The following FAM91A1 variants were observed in gnomAD, a reference collection of about 807,000 sequenced individuals.
The protein encoded by FAM91A1 is protein FAM91A1.
In FAM91A1, 41 loss-of-function variants were observed where a neutral mutation model predicts 113.5. That is an observed-to-expected ratio of 0.36 (90% CI 0.28 to 0.47). The LOEUF (loss-of-function observed/expected upper bound fraction) is 0.47. Among genes scored for constraint, FAM91A1 ranks in the 20% least tolerant of loss-of-function variants. The pLI is 1.00. For synonymous variants in FAM91A1, 307 were observed against 347.9 expected, an observed-to-expected ratio of 0.88 and a Z score of 1.31; for missense variants, 696 against 1,001.2, an observed-to-expected ratio of 0.70 and a Z score of 4.11.
intron 8 of FAM91A1, among the ~76,000 whole-genome samples, chr8:123,784,065 A>G (rs992514131): frequency 6.6e-6 from 1 of 152,202 alleles, no homozygotes; most frequent in Admixed American, 6.5e-5. Context: ...TCTTTCTTGC[A>G]GTCATTTGCT....
chr8:123,785,603 A>G, intron 10 of FAM91A1, 26 bp from the exon 11 acceptor site: 1 of 1,439,630 alleles, frequency 6.9e-7, no homozygotes, highest in East Asian at 2.3e-5. Flanking sequence ...TTAAATGGTA[A>G]TTAGTTTCCT....
At chr8:123,793,077 C>T (rs997367851) in intron 15 of FAM91A1, among the ~76,000 whole-genome samples, 2 of 152,146 alleles carry the variant, frequency 1.3e-5, no homozygotes, top group Admixed American at 6.6e-5. Flanking sequence ...AATATGCTGA[C>T]GTTATGGTTA....
intron 12 of FAM91A1, 151 bp downstream of exon 12, chr8:123,786,761 G>A: frequency 1.6e-6 from 1 of 633,514 alleles, no homozygotes; most frequent in African/African-American, 1.8e-5. Flanking sequence ...ACTGTGCTAA[G>A]TCCTAGGTAT....
intron 23 of FAM91A1, chr8:123,812,002 ACT>A (rs1277309421): frequency 6.6e-6 from 1 of 151,942 alleles, no homozygotes; most frequent in Non-Finnish European, 1.5e-5. Flanking sequence ...CTCTTGAGTA[ACT>A]GGTATCACAG....
At chr8:123,775,024 AT>A in intron 2 of FAM91A1, 122 bp from the exon 3 acceptor site, 1 of 940,738 alleles carries the variant, frequency 1.1e-6, no homozygotes, top group Non-Finnish European at 1.5e-6. Flanking sequence ...AGAATATTTT[AT>A]TTGTTCTCTT....
At chr8:123,809,530 T>A (rs183196916) in intron 22 of FAM91A1, among the ~76,000 whole-genome samples, 1 of 152,342 alleles carries the variant, frequency 6.6e-6, no homozygotes, top group East Asian at 1.9e-4. Flanking sequence ...CCAGCTCTGA[T>A]CCATTGTGAG....
intron 15 of FAM91A1, among the ~76,000 whole-genome samples, chr8:123,791,095 TAC>T (rs1182030222): frequency 1.3e-5 from 2 of 152,338 alleles, no homozygotes; most frequent in East Asian, 3.9e-4. Flanking sequence ...TGTCTTGAAA[TAC>T]ATTGTCCTTT....
chr8:123,797,793 T>G (rs1240545125), intron 15 of FAM91A1, among the ~76,000 whole-genome samples: 1 of 152,226 alleles, frequency 6.6e-6, no homozygotes, highest in Non-Finnish European at 1.5e-5. Flanking sequence ...GGTATGCCAC[T>G]GTTGTAGAGT....
Position 123,815,287 on chromosome 8 carries a change from T to C in FAM91A1, c.*2583T>C, listed in dbSNP as rs1457942785. ...TGTTCAGTGTTTCAAATACAATTTG[T>C]ATTTAAGGATTTTAAAATACCAAAC... On this transcript the variant is annotated 3_prime_UTR_variant, in exon 24 of 24. Coordinates refer to ENST00000334705, the MANE Select transcript of FAM91A1 (RefSeq NM_144963.4). The C allele has an allele frequency of 6.6e-6, 1 of 152,580 alleles. No individual in the cohort carries two copies. Among genetic ancestry groups the C allele is most frequent in the Non-Finnish European group, 1.5e-5 (1 of 68,018 alleles). The allele number at this position is 152,580 out of a possible 1,614,324, so 9.5% of individuals were successfully genotyped here. A position where few individuals can be genotyped will look rare whatever the true frequency, so the allele number is the denominator to read the frequency against.
rs902701353 is a variant in FAM91A1 at position 123,813,777 on chromosome 8, T to G, written c.*1073T>G. ...TAATTAGAATAATTGGAATCACTTT[T>G]TAGACTTTTCAAGTTACCTTCCTTG... On this transcript the variant is annotated 3_prime_UTR_variant, in exon 24 of 24. Coordinates refer to ENST00000334705, the MANE Select transcript of FAM91A1 (RefSeq NM_144963.4). 6.6e-6 allele frequency: 1 copy of G among 152,606 alleles called. No homozygotes were observed. Among genetic ancestry groups the G allele is most frequent in the African/African-American group, 2.4e-5 (1 of 41,472 alleles). 9.5% of individuals were successfully genotyped at this position (152,606 alleles called of 1,614,324 possible).
intron 1 of FAM91A1, among the ~76,000 whole-genome samples, chr8:123,769,368 A>G (rs914737211): frequency 3.9e-5 from 6 of 152,182 alleles, no homozygotes; most frequent in African/African-American, 1.2e-4. Flanking sequence ...TGACTGTATC[A>G]CCAGAGTTTG....
At chr8:123,787,155 T>A in intron 12 of FAM91A1, 106 bp from the exon 13 acceptor site, 1 of 825,110 alleles carries the variant, frequency 1.2e-6, no homozygotes, top group Non-Finnish European at 1.9e-6. Flanking sequence ...TTTAAAATTA[T>A]GTACTTTCTG....
chr8:123,814,274 G>T lies in FAM91A1; in HGVS notation c.*1570G>T. 2 of 299,866 alleles carry T rather than the reference G, an allele frequency of 6.7e-6. No individual in the cohort carries two copies. The highest frequency in any genetic ancestry group is 3.0e-5 in the South Asian group (1 of 33,782). The allele number at this position is 299,866 out of a possible 1,614,324, so 18.6% of individuals were successfully genotyped here. ...ACTTATTTTTCCAATAATTGATATT[G>T]TACATTCCTAGTGCCATTAGGTATG... On this transcript the variant is annotated 3_prime_UTR_variant, in exon 24 of 24. Coordinates refer to ENST00000334705, the MANE Select transcript of FAM91A1 (RefSeq NM_144963.4).
rs140886757 is a variant in FAM91A1 at position 123,778,819 on chromosome 8, A to T, written c.549+47A>T. 8.6e-4 allele frequency: 1,066 copies of T among 1,235,674 alleles called. 11 individuals are homozygous for T. In the African/African-American group the frequency reaches 0.015, roughly 18 times the overall value. The allele number at this position is 1,235,674 out of a possible 1,614,324, so 76.5% of individuals were successfully genotyped here. A position where few individuals can be genotyped will look rare whatever the true frequency, so the allele number is the denominator to read the frequency against. On this transcript the variant is annotated intron_variant, in intron 6 of 23. Transcript: ENST00000334705. ...ACATAGAATTTTTATTTTTTAGTTT[A>T]TTTTACAATTTTTAATTATAGCTTA...
At chr8:123,791,871 C>CT (rs1009724411) in intron 15 of FAM91A1, among the ~76,000 whole-genome samples, 2 of 152,150 alleles carry the variant, frequency 1.3e-5, no homozygotes, top group Non-Finnish European at 2.9e-5. Context: ...GAACCTTACT[C>CT]TTTTTTAGAA....
rs142309473 is a variant in FAM91A1 at position 123,768,581 on chromosome 8, C to T, written c.-122C>T. On this transcript the variant is annotated 5_prime_UTR_variant, in exon 1 of 24. Coordinates refer to ENST00000334705, the MANE Select transcript of FAM91A1 (RefSeq NM_144963.4). ...GCCTAGGCCATGGGGCAGCCTGGGCCTTCTGCAGTGTGAGGCGCGGGGCCT... is the reference window on the plus strand; with the variant it reads ...GCCTAGGCCATGGGGCAGCCTGGGCTTTCTGCAGTGTGAGGCGCGGGGCCT... 17,318 of 827,584 alleles carry T rather than the reference C, an allele frequency of 0.021. 249 individuals carry two copies. The highest frequency in any genetic ancestry group is 0.037 in the East Asian group (1,302 of 34,776). The allele number at this position is 827,584 out of a possible 1,614,324, so 51.3% of individuals were successfully genotyped here. A position where few individuals can be genotyped will look rare whatever the true frequency, so the allele number is the denominator to read the frequency against.
In FAM91A1 at chr8:123,813,455, A is replaced by G. The variant is rs1281738160; in HGVS notation, c.*751A>G. 1.3e-5 allele frequency: 2 copies of G among 152,406 alleles called. No homozygotes were observed. Among genetic ancestry groups the G allele is most frequent in the African/African-American group, 2.4e-5 (1 of 41,372 alleles). The allele number at this position is 152,406 out of a possible 1,614,324, so 9.4% of individuals were successfully genotyped here. On this transcript the variant is annotated 3_prime_UTR_variant, in exon 24 of 24. Transcript: ENST00000334705. ...AGTCTTTATGGAAAAAATAGAATTT[A>G]TTTTCCACTCTTGTAGCTATAGCTG... is the stretch of plus-strand genomic sequence containing the variant.
At chr8:123,798,880 A>G (rs1482597818) in intron 16 of FAM91A1, among the ~76,000 whole-genome samples, 12 of 152,196 alleles carry the variant, frequency 7.9e-5, no homozygotes. Flanking sequence ...TAGCTGCCTC[A>G]GTGAGCATCC....
At chr8:123,794,324 TA>T (rs1209872621) in intron 15 of FAM91A1, among the ~76,000 whole-genome samples, 2 of 152,228 alleles carry the variant, frequency 1.3e-5, no homozygotes, top group African/African-American at 2.4e-5. Flanking sequence ...AAAATATATG[TA>T]GATACTAGTC....
Sources: gnomAD v4.1 joint callset for allele counts (sites outside exome capture counted in the v4.1 genomes callset) on GRCh38, gnomAD v4.1.1 for gene constraint, MANE v1.5 for transcripts, NCBI Gene and HGNC (gene_info 2026-07-23, HGNC 2026-07-21) for gene names.